Variants in SCAPER observed in about 807,000 individuals in gnomAD.
SCAPER encodes the protein S-phase cyclin A associated protein in the ER, also known as S phase cyclin A-associated protein in the endoplasmic reticulum.
In SCAPER, 98 loss-of-function variants were observed where a neutral mutation model predicts 182.2. The observed-to-expected ratio is 0.54, with a 90% CI of 0.46 to 0.64. SCAPER has a LOEUF of 0.64. SCAPER is among the 30% of genes least tolerant of loss of function. The pLI is 0.00. For missense variants in SCAPER, 1,432 were observed against 1,690.0 expected (o/e 0.85, Z 2.68); for synonymous variants, 605 against 564.6 (o/e 1.07, Z -1.01).
intron 8 of SCAPER, among the ~76,000 whole-genome samples, chr15:76,789,678 T>A (rs953475167): frequency 6.6e-6 from 1 of 152,174 alleles, no homozygotes; most frequent in Non-Finnish European, 1.5e-5. Flanking sequence ...GAACAGCAAA[T>A]CATGCAATTA....
intron 23 of SCAPER, among the ~76,000 whole-genome samples, chr15:76,557,905 T>A (rs950991910): frequency 6.6e-6 from 1 of 152,186 alleles, no homozygotes; most frequent in African/African-American, 2.4e-5. Context: ...GGGTAAAGGA[T>A]TCCTGTGCAA....
Position 76,550,156 on chromosome 15 carries a change from T to C in SCAPER, c.2838+24002A>G, listed in dbSNP as rs552002558. On this transcript the variant is annotated intron_variant, in intron 23 of 31. Coordinates refer to ENST00000563290, the MANE Select transcript of SCAPER (RefSeq NM_020843.4). ...AAACCCAAATAACCCAATTTAAAAA[T>C]TGACAAAAGATCTGAACAGACATTT... Among the ~76,000 whole-genome samples, 493 of 152,222 alleles carry C rather than the reference T, an allele frequency of 3.2e-3. 5 individuals are homozygous for C. The highest frequency in any genetic ancestry group is 0.011 in the African/African-American group (468 of 41,532).
intron 21 of SCAPER, among the ~76,000 whole-genome samples, chr15:76,629,950 G>A (rs781588140): frequency 3.3e-5 from 5 of 152,118 alleles, no homozygotes; most frequent in African/African-American, 4.8e-5. Flanking sequence ...CTTGTTATTC[G>A]TCTATTCAGG....
chr15:76,425,352 T>G (rs1423116115), intron 26 of SCAPER, among the ~76,000 whole-genome samples: 2 of 152,212 alleles, frequency 1.3e-5, no homozygotes, highest in African/African-American at 4.8e-5. Context: ...TCTTCTCGCT[T>G]CATTTCATTC....
intron 27 of SCAPER, among the ~76,000 whole-genome samples, chr15:76,401,972 C>T (rs2044492912): frequency 6.6e-6 from 1 of 152,008 alleles, no homozygotes; most frequent in Admixed American, 6.6e-5. Context: ...ACTAAAAATA[C>T]AAAAATTAGC....
chr15:76,631,015 C>T (rs1299359458), intron 21 of SCAPER, among the ~76,000 whole-genome samples: 1 of 152,102 alleles, frequency 6.6e-6, no homozygotes, highest in Non-Finnish European at 1.5e-5. Context: ...ACAGTTAGGT[C>T]TTCTTGTTGA....
At chr15:76,526,868 AT>A (rs2043238756) in intron 23 of SCAPER, among the ~76,000 whole-genome samples, 1 of 141,994 alleles carries the variant, frequency 7.0e-6, no homozygotes, top group South Asian at 2.2e-4. Context: ...TTTTTTTTTT[AT>A]TTTTATTTTT....
intron 30 of SCAPER, 111 bp from the exon 31 acceptor site, chr15:76,351,399 T>C (rs2040537951): frequency 1.2e-6 from 1 of 867,408 alleles, no homozygotes; most frequent in South Asian, 2.4e-5. Context: ...TATGAATATT[T>C]TGGGGCCCAA....
chr15:76,883,298 A>C (rs2073673034), intron 2 of SCAPER, among the ~76,000 whole-genome samples: 1 of 152,206 alleles, frequency 6.6e-6, no homozygotes, highest in Non-Finnish European at 1.5e-5. Flanking sequence ...CAATTTGAGT[A>C]GTTTAAGAAG....
At chr15:76,617,959 T>G (rs1567613605) in intron 22 of SCAPER, among the ~76,000 whole-genome samples, 1 of 152,122 alleles carries the variant, frequency 6.6e-6, no homozygotes, top group Non-Finnish European at 1.5e-5. Context: ...TTCTAGACTG[T>G]TTTAAAAAAT....
At chr15:76,479,776 A>C (rs2050953264) in intron 24 of SCAPER, among the ~76,000 whole-genome samples, 1 of 152,228 alleles carries the variant, frequency 6.6e-6, no homozygotes, top group African/African-American at 2.4e-5. Flanking sequence ...AAGACTTAAA[A>C]AAAAACACAC....
chr15:76,796,387 T>C (rs1338187540), intron 7 of SCAPER, among the ~76,000 whole-genome samples: 1 of 152,252 alleles, frequency 6.6e-6, no homozygotes, highest in South Asian at 2.1e-4. Flanking sequence ...ACAAAAACAA[T>C]GACTCTTTTT....
intron 8 of SCAPER, among the ~76,000 whole-genome samples, chr15:76,792,899 G>C (rs2065089110): frequency 1.3e-5 from 2 of 152,210 alleles, no homozygotes. Flanking sequence ...TAAGTTTTGG[G>C]CTTGCTACAT....
chr15:76,713,432 T>C (rs1039111645), intron 17 of SCAPER, among the ~76,000 whole-genome samples: 1 of 151,792 alleles, frequency 6.6e-6, no homozygotes, highest in Non-Finnish European at 1.5e-5. Context: ...ATATACACCA[T>C]GGAATACTAT....
intron 9 of SCAPER, among the ~76,000 whole-genome samples, chr15:76,773,053 T>G (rs1472228572): frequency 6.6e-6 from 1 of 151,878 alleles, no homozygotes; most frequent in East Asian, 1.9e-4. Context: ...ATAACATTGT[T>G]TATACTGCTA....
At chr15:76,405,420 A>G (rs1457249177) in intron 26 of SCAPER, among the ~76,000 whole-genome samples, 1 of 151,962 alleles carries the variant, frequency 6.6e-6, no homozygotes, top group Non-Finnish European at 1.5e-5. Context: ...CCTGGCTACA[A>G]CTTAAACTTC....
intron 30 of SCAPER, among the ~76,000 whole-genome samples, chr15:76,353,076 C>T (rs1015856249): frequency 6.6e-6 from 1 of 152,022 alleles, no homozygotes; most frequent in Non-Finnish European, 1.5e-5. Flanking sequence ...CGGGGAACTC[C>T]TTAGCTATCC....
chr15:76,824,806 A>G (rs1335577275), intron 5 of SCAPER, among the ~76,000 whole-genome samples: 3 of 152,216 alleles, frequency 2.0e-5, no homozygotes, highest in Admixed American at 2.0e-4. Context: ...AAAACCTTAC[A>G]AATTAAAATC....
At chr15:76,366,754 T>A (rs1339642736) in intron 29 of SCAPER, among the ~76,000 whole-genome samples, 1 of 152,188 alleles carries the variant, frequency 6.6e-6, no homozygotes, top group Non-Finnish European at 1.5e-5. Context: ...TAGCCCAAGG[T>A]GGTGAGTGGA....
Sources: allele counts gnomAD v4.1 joint callset (sites outside exome capture counted in the v4.1 genomes callset), GRCh38; gene constraint gnomAD v4.1.1; transcripts MANE v1.5; gene names NCBI Gene and HGNC (gene_info 2026-07-23, HGNC 2026-07-21).